NSUN2: variants seen among roughly 807,000 people sequenced by gnomAD.
NSUN2 encodes the protein NOP2/Sun RNA methyltransferase 2.
Under a neutral mutation model 92.7 loss-of-function variants are expected in NSUN2, and 63 were observed. The observed-to-expected ratio is 0.68, with a 90% CI of 0.56 to 0.84. NSUN2 has a LOEUF of 0.84. NSUN2 is among the 40% of genes least tolerant of loss of function. The pLI is 0.00. For synonymous variants in NSUN2, 356 were observed against 348.3 expected, an observed-to-expected ratio of 1.02 and a Z score of -0.25; for missense variants, 989 against 964.9, an observed-to-expected ratio of 1.02 and a Z score of -0.33.
chr5:6,602,812 A>G (rs1200309238), intron 17 of NSUN2, among the ~76,000 whole-genome samples: 1 of 152,256 alleles, frequency 6.6e-6, no homozygotes, highest in Non-Finnish European at 1.5e-5. Flanking sequence ...TTAATTCTTC[A>G]AAATTCAAAA....
rs779774360 is a variant in NSUN2, at chr5:6,607,335, G to A, written c.1373C>T (p.Ala458Val). 13 of 1,614,016 alleles carry A rather than the reference G, an allele frequency of 8.1e-6. No homozygotes were observed. The highest frequency in any genetic ancestry group is 7.6e-6 in the Non-Finnish European group (9 of 1,180,044). ...ETRESTQLSP[A>V]DLTEGKPTDP... ...TGTGGGTTTCCCTTCTGTGAGATCTGCAGGGCTCAGCTGTGTGCTTTCTCT... is the reference window on the plus strand; with the variant it reads ...TGTGGGTTTCCCTTCTGTGAGATCTACAGGGCTCAGCTGTGTGCTTTCTCT... Residue 458 changes from alanine to valine, a missense_variant, in exon 13 of 19, where the codon GCA becomes GTA. By Grantham distance (64) the Ala-to-Val change is moderately conservative. This residue lies in a region of NSUN2 where 626 missense variants were observed against 602.3 expected (regional missense o/e 1.04). Coordinates refer to ENST00000264670, the MANE Select transcript of NSUN2 (RefSeq NM_017755.6).
chr5:6,611,437 C>G (rs1271396852), intron 10 of NSUN2, among the ~76,000 whole-genome samples: 1 of 57,068 alleles, frequency 1.8e-5, no homozygotes, highest in Admixed American at 1.7e-4. Flanking sequence ...GGCTTGAATC[C>G]CGGCCCAATT....
At chr5:6,610,839 A>G in intron 11 of NSUN2, 116 bp downstream of exon 11, 1 of 1,268,930 alleles carries the variant, frequency 7.9e-7, no homozygotes. Context: ...GCATAACCCA[A>G]GCCTCACAGC....
At position 6,599,758 on chromosome 5, in the gene NSUN2, AG is replaced by A. The variant is rs1736464600; in HGVS notation, c.*167del. 9.2e-6 allele frequency: 6 copies of A among 655,296 alleles called. No homozygotes were observed. The highest frequency in any genetic ancestry group is 8.6e-4 in the Middle Eastern group (2 of 2,318). 40.6% of individuals were successfully genotyped at this position (655,296 alleles called of 1,614,324 possible). A position where few individuals can be genotyped will look rare whatever the true frequency, so the allele number is the denominator to read the frequency against. ...GTACATTTTCATCAGCTCCAAAGAAAGCAGTCCTGGTCATTCAGAAGGCTCC... is the reference window on the plus strand; with the variant it reads ...GTACATTTTCATCAGCTCCAAAGAAACAGTCCTGGTCATTCAGAAGGCTCC... On this transcript the variant is annotated 3_prime_UTR_variant, in exon 19 of 19. Transcript: ENST00000264670.
At chr5:6,629,959 CT>C (rs1212029772) in intron 3 of NSUN2, among the ~76,000 whole-genome samples, 1 of 152,188 alleles carries the variant, frequency 6.6e-6, no homozygotes, top group Non-Finnish European at 1.5e-5. Context: ...AGCCTATTTC[CT>C]TTATCTATAC....
At chr5:6,601,331 T>C (rs1736547614) in intron 18 of NSUN2, among the ~76,000 whole-genome samples, 1 of 142,774 alleles carries the variant, frequency 7.0e-6, no homozygotes, top group South Asian at 2.2e-4. Context: ...TGAGTCTTTG[T>C]TCAAACTCTC....
intron 9 of NSUN2, among the ~76,000 whole-genome samples, chr5:6,612,386 G>A (rs1276892545): frequency 1.3e-5 from 2 of 152,160 alleles, no homozygotes; most frequent in East Asian, 3.9e-4. Flanking sequence ...GTGGTCCCAG[G>A]AAGTTTCCTA....
intron 3 of NSUN2, among the ~76,000 whole-genome samples, chr5:6,630,654 T>C (rs1341124522): frequency 6.6e-6 from 1 of 152,070 alleles, no homozygotes; most frequent in African/African-American, 2.4e-5. Flanking sequence ...ACAATGAAAA[T>C]CCAAATAGCC....
In NSUN2 at chr5:6,620,287, T is replaced by A; in HGVS notation, c.634A>T (p.Ile212Phe). The A allele has an allele frequency of 6.3e-7, 1 of 1,589,036 alleles. No individual in the cohort carries two copies. The highest frequency in any genetic ancestry group is 8.6e-7 in the Non-Finnish European group (1 of 1,168,718). Reference sequence around the variant, plus strand: ...CGCTTGTTGTCCACATCATTCGCAATAACAAATCCCTCTGAAGGCACAGAA... The same window carrying A: ...CGCTTGTTGTCCACATCATTCGCAAAAACAAATCCCTCTGAAGGCACAGAA... ...MNVPFPEGFV[I>F]ANDVDNKRCY... Residue 212 changes from isoleucine (I) to phenylalanine (F), a missense_variant, in exon 7 of 19, where the codon ATT becomes TTT. By Grantham distance (21) the Ile-to-Phe change is conservative. Transcript: ENST00000264670.
intron 11 of NSUN2, among the ~76,000 whole-genome samples, chr5:6,610,457 G>A (rs969926091): frequency 1.3e-5 from 2 of 152,038 alleles, no homozygotes; most frequent in Non-Finnish European, 2.9e-5. Flanking sequence ...GGGAGGCCGA[G>A]GTGGGCAGAT....
At chr5:6,613,037 G>A (rs1412392777) in intron 9 of NSUN2, among the ~76,000 whole-genome samples, 1 of 152,214 alleles carries the variant, frequency 6.6e-6, no homozygotes, top group African/African-American at 2.4e-5. Context: ...ACAGAGAAAA[G>A]GGAGGAAGCA....
intron 3 of NSUN2, among the ~76,000 whole-genome samples, chr5:6,629,527 T>C (rs1349027014): frequency 1.3e-5 from 2 of 152,212 alleles, no homozygotes; most frequent in Non-Finnish European, 2.9e-5. Context: ...TCTTATCCCG[T>C]CTCTGCGCTT....
intron 18 of NSUN2, 138 bp from the exon 19 acceptor site, chr5:6,600,370 A>G (rs1736500730): frequency 5.4e-6 from 4 of 739,834 alleles, no homozygotes; most frequent in Non-Finnish European, 8.6e-6. Context: ...CTGGGAGGAC[A>G]TTTCATCTGG....
rs538924459 is a variant in NSUN2, at chr5:6,630,138, G to A, written c.359+1735C>T. ...AGGAAGAAAAGCTTGATCTCGTGAAGGTTACCTCATCTCAGCAATGCCATA... is the reference window on the plus strand; with the variant it reads ...AGGAAGAAAAGCTTGATCTCGTGAAAGTTACCTCATCTCAGCAATGCCATA... On this transcript the variant is annotated intron_variant, in intron 3 of 18. Transcript: ENST00000264670. 9.7e-4 allele frequency among the ~76,000 whole-genome samples: 147 copies of A among 152,214 alleles called. 1 individual carries two copies. The highest frequency in any genetic ancestry group is 1.5e-4 in the Non-Finnish European group (10 of 68,002).
intron 16 of NSUN2, 146 bp downstream of exon 16, chr5:6,604,459 T>C: frequency 1.1e-6 from 1 of 910,886 alleles, no homozygotes; most frequent in African/African-American, 1.6e-5. Flanking sequence ...CTGGGAGAGC[T>C]CTATAACCTG....
chr5:6,613,571 G>A (rs532284608), intron 9 of NSUN2, among the ~76,000 whole-genome samples: 250 of 152,278 alleles, frequency 1.6e-3, no homozygotes, highest in African/African-American at 5.9e-3. Context: ...GTCTTGCAGT[G>A]AAGCTTGCCC....
chr5:6,599,891 G>C lies in NSUN2; in HGVS notation c.*35C>G, dbSNP rs1465542159. 4 of 1,592,884 alleles carry C rather than the reference G, an allele frequency of 2.5e-6. No homozygotes were observed. The highest frequency in any genetic ancestry group is 1.1e-5 in the South Asian group (1 of 90,084). On this transcript the variant is annotated 3_prime_UTR_variant, in exon 19 of 19. Coordinates refer to ENST00000264670, the MANE Select transcript of NSUN2 (RefSeq NM_017755.6). ...TGACCAGAAGAAGCCAGTTTTGCGTGTGAGGGGTGTGGGCCCCCGCTGCCT... is the reference window on the plus strand; with the variant it reads ...TGACCAGAAGAAGCCAGTTTTGCGTCTGAGGGGTGTGGGCCCCCGCTGCCT...
chr5:6,623,392 CTT>C, intron 4 of NSUN2, 107 bp from the exon 5 acceptor site: 2 of 896,206 alleles, frequency 2.2e-6, no homozygotes, highest in Non-Finnish European at 3.3e-6. Context: ...AGCACATAAT[CTT>C]ATACAGAATG....
At chr5:6,623,332 A>AAACTG in intron 4 of NSUN2, 47 bp from the exon 5 acceptor site, 1 of 1,512,246 alleles carries the variant, frequency 6.6e-7, no homozygotes, top group Non-Finnish European at 8.9e-7. Flanking sequence ...AAAAAAAAAA[A>AAACTG]CCGCAGACAA....
Sources: gnomAD v4.1 joint callset for allele counts (sites outside exome capture counted in the v4.1 genomes callset) on GRCh38, gnomAD v4.1.1 for gene constraint, gnomAD v4.1.1 regional missense constraint, MANE v1.5 for transcripts, NCBI Gene and HGNC (gene_info 2026-07-23, HGNC 2026-07-21) for gene names.